CCDC144A: variants seen among roughly 807,000 people sequenced by gnomAD.
CCDC144A encodes the protein coiled-coil domain containing 144A, also known as coiled-coil domain-containing protein 144A.
Under a neutral mutation model 143.8 loss-of-function variants are expected in CCDC144A, and 41 were observed. That is an observed-to-expected ratio of 0.29 (90% confidence interval 0.22 to 0.37). The LOEUF is 0.37. CCDC144A is among the 10% of genes least tolerant of loss of function. CCDC144A has a pLI of 1.00. For synonymous variants in CCDC144A, 242 were observed against 517.9 expected, an observed-to-expected ratio of 0.47 and a Z score of 7.23; for missense variants, 637 against 1,488.8, an observed-to-expected ratio of 0.43 and a Z score of 9.41.
intron 9 of CCDC144A, among the ~76,000 whole-genome samples, chr17:16,729,085 C>A (rs1044899315): frequency 6.6e-6 from 1 of 152,136 alleles, no homozygotes; most frequent in Non-Finnish European, 1.5e-5. Context: ...ATAATGATTT[C>A]TTTTCCTTTG....
chr17:16,724,356 T>A lies in CCDC144A; in HGVS notation c.1892-3171T>A, dbSNP rs553309732. On this transcript the variant is annotated intron_variant, in intron 8 of 16. Transcript: ENST00000399273. The stretch of plus-strand genomic sequence containing the variant: ...ATCGAGACCATCCTGACCAATACGT[T>A]GAAACTCTGTCTCTACTAAAAATAC... Among the ~76,000 whole-genome samples, 140 of 152,048 alleles carry A rather than the reference T, an allele frequency of 9.2e-4. 1 individual carries two copies. Among genetic ancestry groups the A allele is most frequent in the African/African-American group, 3.2e-3 (132 of 41,462 alleles).
intron 6 of CCDC144A, among the ~76,000 whole-genome samples, chr17:16,716,773 T>A (rs1912776806): frequency 6.6e-6 from 1 of 151,902 alleles, no homozygotes; most frequent in African/African-American, 2.4e-5. Context: ...ATGAGTTTCA[T>A]GTGTGAGAGT....
At chr17:16,681,126 A>C in the CCDC144A span, among the ~76,000 whole-genome samples, 1 of 152,174 alleles carries the variant, frequency 6.6e-6, no homozygotes, top group East Asian at 1.9e-4. Flanking sequence ...GGATAAAGAG[A>C]AAAATAAATT....
chr17:16,764,716 T>C (rs1915523538), intron 15 of CCDC144A: 1 of 164,342 alleles, frequency 6.1e-6, no homozygotes, highest in Non-Finnish European at 1.3e-5. Context: ...GTTAAAAGTT[T>C]TGTGATTTTC....
the CCDC144A span, among the ~76,000 whole-genome samples, chr17:16,670,103 C>G: frequency 6.6e-6 from 1 of 151,320 alleles, no homozygotes; most frequent in Non-Finnish European, 1.5e-5. Context: ...ATCCCTTGAA[C>G]CTGGGAGGCA....
At chr17:16,691,339 G>A (rs1195477309) in intron 1 of CCDC144A, among the ~76,000 whole-genome samples, 1 of 152,064 alleles carries the variant, frequency 6.6e-6, no homozygotes, top group Non-Finnish European at 1.5e-5. Flanking sequence ...CTTAGATCGT[G>A]GAATGTCCCA....
At chr17:16,673,052 AATG>A in the CCDC144A span, among the ~76,000 whole-genome samples, 1 of 152,176 alleles carries the variant, frequency 6.6e-6, no homozygotes, top group Admixed American at 6.5e-5. Flanking sequence ...AACCTTATAG[AATG>A]ATAACACAAT....
intron 2 of CCDC144A, among the ~76,000 whole-genome samples, chr17:16,704,353 G>T (rs763571233): frequency 6.6e-6 from 1 of 152,106 alleles, no homozygotes; most frequent in Non-Finnish European, 1.5e-5. Context: ...TACTCAGGAG[G>T]CTGAGGCAGG....
At chr17:16,756,521 G>A (rs1293950214) in intron 12 of CCDC144A, among the ~76,000 whole-genome samples, 3 of 148,650 alleles carry the variant, frequency 2.0e-5, no homozygotes, top group Non-Finnish European at 4.4e-5. Flanking sequence ...TTGTTTTCCT[G>A]ATTCATTTGT....
At chr17:16,722,099 A>G (rs1913124083) in intron 8 of CCDC144A, among the ~76,000 whole-genome samples, 1 of 152,082 alleles carries the variant, frequency 6.6e-6, no homozygotes, top group Non-Finnish European at 1.5e-5. Context: ...TATCATGCTG[A>G]TGGTGTTCCC....
chr17:16,688,284 A>C (rs1910851428), upstream of CCDC144A, among the ~76,000 whole-genome samples: 1 of 151,682 alleles, frequency 6.6e-6, no homozygotes, highest in Admixed American at 6.6e-5. Context: ...GCCCGTGTGC[A>C]GCTTTCTTGC....
intron 8 of CCDC144A, among the ~76,000 whole-genome samples, chr17:16,726,816 T>C (rs983192751): frequency 2.7e-5 from 4 of 149,440 alleles, no homozygotes; most frequent in African/African-American, 9.9e-5. Context: ...GTGATCTCTG[T>C]CTGCCTTGGC....
At chr17:16,766,902 G>A (rs1218797365) in intron 15 of CCDC144A, 1 of 83,884 alleles carries the variant, frequency 1.2e-5, no homozygotes, top group Non-Finnish European at 3.7e-5. Context: ...TAAAGTTAAT[G>A]TTAATGTAGT....
intron 12 of CCDC144A, chr17:16,745,854 T>A: frequency 5.6e-6 from 9 of 1,597,544 alleles, no homozygotes; most frequent in Non-Finnish European, 7.7e-6. Flanking sequence ...AGCCCCGCTG[T>A]CCTGGCTCCC....
At chr17:16,725,609 G>A (rs1443864112) in intron 8 of CCDC144A, among the ~76,000 whole-genome samples, 4 of 152,090 alleles carry the variant, frequency 2.6e-5, no homozygotes, top group African/African-American at 7.2e-5. Context: ...ATACAATGGA[G>A]GTTGGGGACT....
Position 16,746,492 on chromosome 17 carries a change from C to T in CCDC144A, c.3372+10849C>T, listed in dbSNP as rs1231200720. 6 of 1,613,738 alleles carry T rather than the reference C, an allele frequency of 3.7e-6. No individual in the cohort carries two copies. In the African/African-American group the frequency reaches 6.7e-5, roughly 18 times the overall value. ...CCCCAGCAGAGTCTCAGGGTTGGCA[C>T]TGGTCTTCTCTTCCTCCACACAGTA... is the stretch of plus-strand genomic sequence containing the variant. On this transcript the variant is annotated intron_variant, in intron 12 of 16. Coordinates refer to ENST00000399273, the MANE Select transcript of CCDC144A (RefSeq NM_001382000.1).
the CCDC144A span, among the ~76,000 whole-genome samples, chr17:16,681,779 A>G: frequency 1.3e-5 from 2 of 151,902 alleles, no homozygotes; most frequent in African/African-American, 4.8e-5. Flanking sequence ...GAATTGCTTG[A>G]ACCTGGGATG....
chr17:16,713,244 G>T (rs570196185), intron 6 of CCDC144A, among the ~76,000 whole-genome samples: 4 of 151,744 alleles, frequency 2.6e-5, no homozygotes, highest in Admixed American at 2.6e-4. Context: ...TATGAAAACA[G>T]GCAGTGGGCT....
At chr17:16,729,991 T>TATATATATATATATATATATACATAC (rs1491438660) in intron 9 of CCDC144A, among the ~76,000 whole-genome samples, 2 of 114,892 alleles carry the variant, frequency 1.7e-5, no homozygotes, top group African/African-American at 6.6e-5. Context: ...TATATATATA[T>TATATATATATATATATATATACATAC]ACACACATAC....
Sources: gnomAD v4.1 joint callset for allele counts (sites outside exome capture counted in the v4.1 genomes callset) on GRCh38, gnomAD v4.1.1 for gene constraint, MANE v1.5 for transcripts, NCBI Gene and HGNC (gene_info 2026-07-23, HGNC 2026-07-21) for gene names.